The following SLC35F4 variants were observed in gnomAD, a reference collection of about 807,000 sequenced individuals.
The protein encoded by SLC35F4 is chromosome 14 open reading frame 36.
SLC35F4 carries 24 observed loss-of-function variants against 44.2 expected under a neutral mutation model. The observed-to-expected ratio is 0.54, with a 90% confidence interval of 0.39 to 0.76. The LOEUF (loss-of-function observed/expected upper bound fraction) is 0.76, where lower values mean the gene tolerates loss of function less well. Ranked by LOEUF, SLC35F4 falls within the 30% of genes least tolerant of loss-of-function variation. The probability of loss-of-function intolerance (pLI) is 0.00; values close to 1 mark genes in which losing one functional copy is unlikely to be tolerated. For missense variants in SLC35F4, 562 were observed against 586.1 expected (o/e 0.96, Z 0.42); for synonymous variants, 238 against 223.6 (o/e 1.06, Z -0.57).
At chr14:57,718,591 C>G (rs2076002383) in intron 1 of SLC35F4, among the ~76,000 whole-genome samples, 1 of 152,148 alleles carries the variant, frequency 6.6e-6, no homozygotes, top group Non-Finnish European at 1.5e-5. Context: ...CTCTGATGAT[C>G]AATAATGTTG....
At position 57,859,501 on chromosome 14, in the gene SLC35F4, G is replaced by A. The variant is rs1386333284; in HGVS notation, c.103+6222C>T. ...ACTTAGGCAATTAGAGGATTGTGGT[G>A]TAGGGGGGAGAAATGTGTGCTAAAA... On this transcript the variant is annotated intron_variant, in intron 1 of 7. Transcript: ENST00000556826. 3.3e-5 allele frequency among the ~76,000 whole-genome samples: 5 copies of A among 152,214 alleles called. 1 individual carries two copies. The highest frequency in any genetic ancestry group is 1.2e-4 in the African/African-American group (5 of 41,450).
At chr14:57,655,399 C>T (rs2073933094) in intron 1 of SLC35F4, among the ~76,000 whole-genome samples, 1 of 152,006 alleles carries the variant, frequency 6.6e-6, no homozygotes. Context: ...AGCAACAAGA[C>T]ATCAGGATGT....
At chr14:57,868,903 C>T (rs1888238618), upstream of SLC35F4, among the ~76,000 whole-genome samples, 1 of 152,112 alleles carries the variant, frequency 6.6e-6, no homozygotes, top group African/African-American at 2.4e-5. Context: ...AGAAAAGACA[C>T]AACTTAATAA....
intron 1 of SLC35F4, among the ~76,000 whole-genome samples, chr14:57,911,192 A>AT (rs1289893360): frequency 2.6e-5 from 4 of 151,978 alleles, no homozygotes; most frequent in Non-Finnish European, 2.9e-5. Flanking sequence ...CTTTTTGCCA[A>AT]TTTTTTTGTT....
intron 1 of SLC35F4, among the ~76,000 whole-genome samples, chr14:57,885,125 A>C (rs1888619504): frequency 6.6e-6 from 1 of 152,158 alleles, no homozygotes; most frequent in South Asian, 2.1e-4. Context: ...TCCTGCCCCC[A>C]ACACACTTTA....
chr14:57,587,863 C>T (rs1037241019), intron 3 of SLC35F4, among the ~76,000 whole-genome samples: 6 of 113,124 alleles, frequency 5.3e-5, no homozygotes, highest in African/African-American at 1.8e-4. Context: ...TTAGTACATG[C>T]ACCTTCCAAA....
chr14:57,574,708 A>G (rs994858296), intron 4 of SLC35F4, among the ~76,000 whole-genome samples: 2 of 152,322 alleles, frequency 1.3e-5, no homozygotes, highest in South Asian at 2.1e-4. Context: ...GATCTCAACT[A>G]ATCTTGAAAA....
At chr14:57,666,667 G>C (rs187298920) in intron 1 of SLC35F4, among the ~76,000 whole-genome samples, 1 of 150,454 alleles carries the variant, frequency 6.6e-6, no homozygotes, top group Admixed American at 6.6e-5. Context: ...ATAGAAAACT[G>C]ATACATAATA....
At chr14:57,802,956 A>T (rs182596538) in intron 1 of SLC35F4, among the ~76,000 whole-genome samples, 1 of 146,832 alleles carries the variant, frequency 6.8e-6, no homozygotes, top group African/African-American at 2.6e-5. Flanking sequence ...GGCCAGCATC[A>T]TCCTGATACC....
chr14:57,631,117 C>A (rs148924306), intron 1 of SLC35F4: 3,421 of 153,166 alleles, frequency 0.022, 69 homozygotes, highest in South Asian at 0.048. Context: ...ACTGCTCAGA[C>A]ACATTTAGGT....
chr14:57,869,994 G>A (rs1219178468), upstream of SLC35F4, among the ~76,000 whole-genome samples: 1 of 152,168 alleles, frequency 6.6e-6, no homozygotes, highest in Non-Finnish European at 1.5e-5. Flanking sequence ...CTCTTCATTG[G>A]CCTCAGGTGC....
rs189140722 is a variant in SLC35F4, at chr14:57,744,101, C to A, written c.103+121622G>T. Among the ~76,000 whole-genome samples, 259 of 152,244 alleles carry A rather than the reference C, an allele frequency of 1.7e-3. 1 individual carries two copies. Among genetic ancestry groups the A allele is most frequent in the African/African-American group, 6.0e-3 (251 of 41,556 alleles). On this transcript the variant is annotated intron_variant, in intron 1 of 7. Transcript: ENST00000556826. ...TCAAAATAATAAGAGCTATTTATGG[C>A]AAACCCACAGCCAATATCATACTGA...
At chr14:57,882,417 T>C (rs1888554896) in intron 1 of SLC35F4, among the ~76,000 whole-genome samples, 2 of 152,200 alleles carry the variant, frequency 1.3e-5, no homozygotes, top group Non-Finnish European at 2.9e-5. Flanking sequence ...TTTGCACTCC[T>C]ACTTCTGTCT....
intron 1 of SLC35F4, among the ~76,000 whole-genome samples, chr14:57,918,428 G>A (rs947308330): frequency 1.3e-5 from 2 of 152,094 alleles, no homozygotes; most frequent in African/African-American, 2.4e-5. Context: ...TTTTCCCTGT[G>A]ACCTCACTTC....
chr14:57,813,327 T>C (rs1882184603), intron 1 of SLC35F4, among the ~76,000 whole-genome samples: 1 of 152,174 alleles, frequency 6.6e-6, no homozygotes, highest in African/African-American at 2.4e-5. Flanking sequence ...TGGTGGTTCA[T>C]GCCTGTAATC....
intron 1 of SLC35F4, among the ~76,000 whole-genome samples, chr14:57,936,591 G>A (rs1889800698): frequency 1.3e-5 from 2 of 152,204 alleles, no homozygotes; most frequent in Admixed American, 6.5e-5. Flanking sequence ...TGTGCTATTG[G>A]CATCTAGTGG....
chr14:57,602,666 C>A (rs1280355777), intron 1 of SLC35F4: 1 of 152,160 alleles, frequency 6.6e-6, no homozygotes, highest in African/African-American at 2.4e-5. Flanking sequence ...TGACCTTGTG[C>A]AATGCAACTA....
chr14:57,908,886 G>A lies in SLC35F4; in HGVS notation n.282+73027C>T, dbSNP rs78683528. 0.025 allele frequency among the ~76,000 whole-genome samples: 3,830 copies of A among 152,052 alleles called. 429 individuals carry two copies. The East Asian group carries it at 0.39, about 16-fold the overall frequency. On this transcript the variant is annotated intron_variant and non_coding_transcript_variant, in intron 1 of 1. Transcript: ENST00000556568. ...GCCTATGTCCTGAATGGTATTGCCT[G>A]GATTTTCTTCTAGGATTTTTATAGT...
chr14:57,860,740 A>G (rs1343083246), intron 1 of SLC35F4, among the ~76,000 whole-genome samples: 1 of 152,188 alleles, frequency 6.6e-6, no homozygotes, highest in Admixed American at 6.5e-5. Flanking sequence ...TAAATTTCTT[A>G]TAGCATACAA....
Sources: allele counts gnomAD v4.1 joint callset (sites outside exome capture counted in the v4.1 genomes callset), GRCh38; gene constraint gnomAD v4.1.1; transcripts MANE v1.5; gene names NCBI Gene and HGNC (gene_info 2026-07-23, HGNC 2026-07-21).